The following PCDH11X variants were observed in gnomAD, a reference collection of about 807,000 sequenced individuals.
PCDH11X encodes the protein protocadherin 11 X-linked, also known as protocadherin-11 X-linked.
PCDH11X carries 18 observed loss-of-function variants against 53.3 expected under a neutral mutation model. The ratio of observed to expected loss-of-function variants is 0.34; its 90% CI spans 0.23 to 0.50. The LOEUF is 0.50. Ranked by LOEUF, PCDH11X falls within the 20% of genes least tolerant of loss-of-function variation. The pLI is 0.98. For missense variants in PCDH11X, 570 were observed against 1,032.4 expected (o/e 0.55, Z 6.14); for synonymous variants, 279 against 393.3 (o/e 0.71, Z 3.44).
chrX:92,255,456 C>G (rs1303973920), intron 7 of PCDH11X, among the ~76,000 whole-genome samples: 1 of 108,860 alleles, frequency 9.2e-6, no homozygotes, highest in Non-Finnish European at 1.9e-5. Flanking sequence ...AAGTCATTCT[C>G]CGTCCAGCTT....
Position 91,835,527 on chromosome X carries a change from A to G in PCDH11X, c.23A>G (p.Tyr8Cys). 1 of 1,211,549 alleles carries G rather than the reference A, an allele frequency of 8.3e-7. No individual in the cohort carries two copies. The highest frequency in any genetic ancestry group is 1.8e-5 in the South Asian group (1 of 56,967). The change falls in exon 5 of 11, where the codon TAC becomes TGC. Residue 8 changes from tyrosine to cysteine, a missense_variant. Tyr to Cys is a radical substitution (Grantham distance 194, BLOSUM62 -2). This residue lies in a region of PCDH11X where 84 missense variants were observed against 142.0 expected (regional missense o/e 0.59). Coordinates refer to ENST00000682573, the MANE Select transcript of PCDH11X (RefSeq NM_032968.5). ...GGTATGGACTTGTTGTCCGGGACGT[A>G]CATTTTCGCGGTCCTGCTAGCATGC... MDLLSGT[Y>C]IFAVLLACVV... is the part of the protein sequence containing the mutation.
chrX:92,331,725 G>A (rs1292889464), intron 8 of PCDH11X, among the ~76,000 whole-genome samples: 2 of 110,444 alleles, frequency 1.8e-5, no homozygotes, highest in African/African-American at 6.6e-5. Context: ...TTATTCAAAT[G>A]GTTTTCTTCC....
At chrX:91,820,510 G>A (rs1248755645) in intron 4 of PCDH11X, among the ~76,000 whole-genome samples, 1 of 94,327 alleles carries the variant, frequency 1.1e-5, no homozygotes, top group Non-Finnish European at 2.0e-5. Flanking sequence ...CCCACTTTTT[G>A]ATGGGGTTGT....
Position 92,388,711 on chromosome X carries a change from G to T in PCDH11X, c.3343+778G>T, listed in dbSNP as rs762423810. 5.4e-5 allele frequency among the ~76,000 whole-genome samples: 6 copies of T among 110,660 alleles called. No homozygotes were observed. In the South Asian group the frequency reaches 2.3e-3, roughly 42 times the overall value. ...ATTTATGTTATGTACATAAAAGTAT[G>T]TAGATACAAAAAAGCATACAATGTA... On this transcript the variant is annotated intron_variant, in intron 9 of 10. Transcript: ENST00000682573.
chrX:91,791,603 C>T (rs1310871558), intron 1 of PCDH11X, among the ~76,000 whole-genome samples: 4 of 109,322 alleles, frequency 3.7e-5, no homozygotes, highest in Non-Finnish European at 7.6e-5. Context: ...CGAATCCAAA[C>T]CATACCATTT....
chrX:92,006,819 C>A (rs1357965465), intron 6 of PCDH11X, among the ~76,000 whole-genome samples: 1 of 111,357 alleles, frequency 9.0e-6, no homozygotes. Context: ...TTAGGGGGCA[C>A]TCCAATCCCA....
At chrX:92,008,134 C>T (rs996194516) in intron 6 of PCDH11X, among the ~76,000 whole-genome samples, 9 of 111,373 alleles carry the variant, frequency 8.1e-5, no homozygotes, top group African/African-American at 2.0e-4. Flanking sequence ...ATGATTCCAA[C>T]ACTCCCTTGA....
intron 6 of PCDH11X, among the ~76,000 whole-genome samples, chrX:91,905,098 T>TTTATTATTA (rs200229863): frequency 3.0e-4 from 30 of 99,987 alleles, no homozygotes; most frequent in South Asian, 1.5e-3. Context: ...TACTTTTTTG[T>TTTATTATTA]TTATTATTAT....
At chrX:92,556,686 C>T (rs2148757131) in intron 10 of PCDH11X, among the ~76,000 whole-genome samples, 1 of 110,449 alleles carries the variant, frequency 9.1e-6, no homozygotes, top group Non-Finnish European at 1.9e-5. Flanking sequence ...TCCAGGTGCA[C>T]ATTGCAATCT....
chrX:92,116,215 C>A (rs1200820669), intron 6 of PCDH11X, among the ~76,000 whole-genome samples: 1 of 112,138 alleles, frequency 8.9e-6, no homozygotes, highest in Non-Finnish European at 1.9e-5. Context: ...TGGGGTTAAT[C>A]CATTCAGACA....
intron 10 of PCDH11X, among the ~76,000 whole-genome samples, chrX:92,495,796 C>T (rs1387800245): frequency 3.8e-5 from 4 of 106,599 alleles, no homozygotes; most frequent in Non-Finnish European, 7.6e-5. Flanking sequence ...AAAGCGGAAA[C>T]CCTTGATAAA....
intron 6 of PCDH11X, among the ~76,000 whole-genome samples, chrX:91,951,272 T>C (rs1458406053): frequency 9.1e-6 from 1 of 110,418 alleles, no homozygotes; most frequent in Non-Finnish European, 1.9e-5. Flanking sequence ...TTGAAATATT[T>C]GAAACACTTT....
chrX:92,305,845 G>A (rs7066262), intron 8 of PCDH11X, among the ~76,000 whole-genome samples: 12,005 of 108,610 alleles, frequency 0.11, 965 homozygotes, highest in East Asian at 0.37. Context: ...CTTATCCAGA[G>A]CAAAATTTAA....
At chrX:92,306,113 G>A (rs2068823001) in intron 8 of PCDH11X, among the ~76,000 whole-genome samples, 2 of 110,932 alleles carry the variant, frequency 1.8e-5, no homozygotes, top group South Asian at 7.6e-4. Flanking sequence ...ACGATAGAAG[G>A]AAAATCCAAA....
intron 9 of PCDH11X, among the ~76,000 whole-genome samples, chrX:92,434,259 C>T (rs1157152460): frequency 9.2e-6 from 1 of 108,941 alleles, no homozygotes; most frequent in African/African-American, 3.4e-5. Flanking sequence ...CAAAAAGAAG[C>T]TTAATGAAAA....
At chrX:92,506,216 C>CTTTTTTTTTTTTTTTTTTTTT (rs1180678297) in intron 10 of PCDH11X, among the ~76,000 whole-genome samples, 13 of 40,203 alleles carry the variant, frequency 3.2e-4, no homozygotes, top group Admixed American at 4.1e-4. Context: ...CTTTTCTTTT[C>CTTTTTTTTTTTTTTTTTTTTT]TTTTTTTTTT....
intron 7 of PCDH11X, among the ~76,000 whole-genome samples, chrX:92,251,200 G>A (rs773606407): frequency 2.1e-4 from 23 of 110,451 alleles, no homozygotes; most frequent in Non-Finnish European, 5.7e-5. Flanking sequence ...CAGGTAAAGC[G>A]GTAGAGCTAG....
intron 10 of PCDH11X, among the ~76,000 whole-genome samples, chrX:92,591,995 A>G (rs964181320): frequency 9.9e-6 from 1 of 100,825 alleles, no homozygotes; most frequent in Admixed American, 1.1e-4. Context: ...TTGAGTCGCT[A>G]TTGGAACTGA....
At chrX:92,190,939 TTTG>T in intron 6 of PCDH11X, among the ~76,000 whole-genome samples, 1 of 112,028 alleles carries the variant, frequency 8.9e-6, no homozygotes, top group Admixed American at 9.5e-5. Context: ...TACTGACGAT[TTTG>T]TTATTTTTGA....
Sources: allele counts gnomAD v4.1 joint callset (sites outside exome capture counted in the v4.1 genomes callset), GRCh38; gene constraint gnomAD v4.1.1; regional missense constraint gnomAD v4.1.1; transcripts MANE v1.5; gene names NCBI Gene and HGNC (gene_info 2026-07-23, HGNC 2026-07-21).